Variants in OGFOD3 observed in about 807,000 individuals in gnomAD.
OGFOD3 encodes the protein 2-oxoglutarate and iron-dependent oxygenase domain-containing protein 3.
A neutral mutation model predicts 39.8 loss-of-function variants in OGFOD3; 35 were observed. That is an observed-to-expected ratio of 0.88 (90% CI 0.67 to 1.17). OGFOD3 has a LOEUF of 1.17. Ranked by LOEUF, OGFOD3 falls within the 50% of genes most tolerant of loss-of-function variation. The pLI, the probability that OGFOD3 is intolerant of heterozygous loss-of-function variation, is 0.00. For missense variants in OGFOD3, 438 were observed against 454.5 expected (o/e 0.96, Z 0.33); for synonymous variants, 200 against 192.0 (o/e 1.04, Z -0.34).
At chr17:82,418,384 C>T in intron 1 of OGFOD3, 28 bp downstream of exon 1, 1 of 1,453,786 alleles carries the variant, frequency 6.9e-7, no homozygotes, top group Non-Finnish European at 9.1e-7. Flanking sequence ...GCCGCCGCAG[C>T]GCGCGCCCTT....
intron 7 of OGFOD3, among the ~76,000 whole-genome samples, chr17:82,402,831 G>A (rs1321908064): frequency 6.6e-6 from 1 of 152,140 alleles, no homozygotes; most frequent in Non-Finnish European, 1.5e-5. Context: ...GAGGCGGGAG[G>A]ATTGCTTCAG....
At chr17:82,411,895 A>G (rs2052949961) in intron 2 of OGFOD3, among the ~76,000 whole-genome samples, 1 of 152,158 alleles carries the variant, frequency 6.6e-6, no homozygotes, top group African/African-American at 2.4e-5. Flanking sequence ...CCACCAGAGC[A>G]GAAAACCCTC....
rs8067613 is a variant in OGFOD3, at chr17:82,415,011, G to A, written c.304+387C>T. 2.6e-5 allele frequency among the ~76,000 whole-genome samples: 4 copies of A among 152,140 alleles called. No homozygotes were observed. The highest frequency in any genetic ancestry group is 4.8e-5 in the African/African-American group (2 of 41,404). On this transcript the variant is annotated intron_variant, in intron 2 of 8. Coordinates refer to ENST00000313056, the MANE Select transcript of OGFOD3 (RefSeq NM_024648.3). This position sits in a 1 kb window ranked among gnomAD's most constrained non-coding sequence, Gnocchi z 5.3. ...TCTCAGGCCCAGGCAGAACGGGAGCGGGGGAGGGGAGCTGGGGCACAGGAC... is the reference window on the plus strand; with the variant it reads ...TCTCAGGCCCAGGCAGAACGGGAGCAGGGGAGGGGAGCTGGGGCACAGGAC...
intron 4 of OGFOD3, among the ~76,000 whole-genome samples, chr17:82,408,745 G>A (rs1192523700): frequency 6.6e-6 from 1 of 152,106 alleles, no homozygotes; most frequent in Admixed American, 6.6e-5. Context: ...ACTTGCCATT[G>A]GATTTAGGAC....
rs545511516 is a variant in OGFOD3 at position 82,411,411 on chromosome 17, G to A, written c.380+44C>T. ...GCTTCCCGCCCTAGCCCCACTCCGC[G>A]TGTGTTTGTTTGAATCCCACCGTGC... is the stretch of plus-strand genomic sequence containing the variant. On this transcript the variant is annotated intron_variant, in intron 3 of 8. Transcript: ENST00000313056. The A allele has an allele frequency of 8.3e-5, 130 of 1,558,210 alleles. No homozygotes were observed. In the South Asian group the frequency reaches 1.1e-3, roughly 13 times the overall value.
At chr17:82,394,481 C>T (rs758869607) in intron 8 of OGFOD3, 3 of 1,614,018 alleles carry the variant, frequency 1.9e-6, no homozygotes, top group Non-Finnish European at 2.5e-6. Context: ...CCAGCAGCTT[C>T]ACTGGCTCTC....
chr17:82,405,684 G>A (rs974938501), intron 5 of OGFOD3, among the ~76,000 whole-genome samples: 4 of 151,404 alleles, frequency 2.6e-5, no homozygotes, highest in Non-Finnish European at 5.9e-5. Flanking sequence ...GCATGGTGGT[G>A]CGTGCCTGTA....
chr17:82,416,597 G>T (rs533851351), intron 1 of OGFOD3, among the ~76,000 whole-genome samples: 1 of 152,306 alleles, frequency 6.6e-6, no homozygotes, highest in South Asian at 2.1e-4. Context: ...TTGGACACAT[G>T]TATTTCCAAA....
chr17:82,407,351 T>C (rs1262764083), intron 4 of OGFOD3, among the ~76,000 whole-genome samples: 2 of 152,352 alleles, frequency 1.3e-5, no homozygotes, highest in Admixed American at 1.3e-4. Flanking sequence ...ATTTTTAGTC[T>C]GGAGCCATCT....
In OGFOD3 at chr17:82,392,056, G is replaced by A. The variant is rs8067393; in HGVS notation, c.*342C>T. 84,618 of 297,912 alleles carry A rather than the reference G, an allele frequency of 0.28. 13,805 individuals are homozygous for A. The highest frequency in any genetic ancestry group is 0.34 in the Non-Finnish European group (54,958 of 159,580). The allele number at this position is 297,912 out of a possible 1,614,324, so 18.5% of individuals were successfully genotyped here. ...TTAGCCAGTCTTTGATGGGCCGGGG[G>A]GTTGCTGAACCTGGACGAGTCCCGG... On this transcript the variant is annotated 3_prime_UTR_variant, in exon 9 of 9. Coordinates refer to ENST00000313056, the MANE Select transcript of OGFOD3 (RefSeq NM_024648.3). The surrounding 1 kb of genome is among the most constrained non-coding windows in gnomAD (Gnocchi z 4.2).
chr17:82,415,510 C>CA lies in OGFOD3; in HGVS notation c.191dup (p.Leu64PhefsTer29), dbSNP rs1258422791. 10 of 1,613,560 alleles carry CA rather than the reference C, an allele frequency of 6.2e-6. No homozygotes were observed. Among genetic ancestry groups the CA allele is most frequent in the Non-Finnish European group, 7.6e-6 (9 of 1,179,960 alleles). ...CCTCTGCGACCCCGTCGTCGGCCCC[C>CA]AAGCTGCTCCAGAGCAGGAGTGCGG... On this transcript the variant is annotated frameshift_variant, in exon 2 of 9. Coordinates refer to ENST00000313056, the MANE Select transcript of OGFOD3 (RefSeq NM_024648.3). LOFTEE classifies it high-confidence loss of function. The surrounding 1 kb of genome is among the most constrained non-coding windows in gnomAD (Gnocchi z 5.3).
In OGFOD3 at chr17:82,417,618, C is replaced by CAAAAA. The variant is rs11413297; in HGVS notation, c.74+789_74+793dup. Among the ~76,000 whole-genome samples the CAAAAA allele has an allele frequency of 6.9e-4, 88 of 127,576 alleles. 1 individual carries two copies. The highest frequency in any genetic ancestry group is 2.5e-3 in the African/African-American group (81 of 32,982). The allele number at this position is 127,576 out of a possible 152,430, so 83.7% of individuals were successfully genotyped here. On this transcript the variant is annotated intron_variant, in intron 1 of 8. Coordinates refer to ENST00000313056, the MANE Select transcript of OGFOD3 (RefSeq NM_024648.3). ...TGGGCAACAGAGCGAGCCTCTGTCTCAAAAAAAAAAAAAAAAATTATAGCT... is the reference window on the plus strand; with the variant it reads ...TGGGCAACAGAGCGAGCCTCTGTCTCAAAAAAAAAAAAAAAAAAAAAATTATAGCT...
At position 82,389,666 on chromosome 17, in the gene OGFOD3, A is replaced by G. The variant is rs2052579318; in HGVS notation, c.*2732T>C. ...CAGGAGCACACTGCCACGCCCAGCT[A>G]CATTTTTTAAAAGTTTCTTGTACAG... is the stretch of plus-strand genomic sequence containing the variant. On this transcript the variant is annotated 3_prime_UTR_variant, in exon 9 of 9. Coordinates refer to ENST00000313056, the MANE Select transcript of OGFOD3 (RefSeq NM_024648.3). The surrounding 1 kb of genome is among the most constrained non-coding windows in gnomAD (Gnocchi z 4.6). 6.6e-6 allele frequency: 1 copy of G among 152,104 alleles called. No individual in the cohort carries two copies. The highest frequency in any genetic ancestry group is 2.4e-5 in the African/African-American group (1 of 41,420). The allele number at this position is 152,104 out of a possible 1,614,324, so 9.4% of individuals were successfully genotyped here. A position where few individuals can be genotyped will look rare whatever the true frequency, so the allele number is the denominator to read the frequency against.
chr17:82,405,190 G>T, intron 6 of OGFOD3, 134 bp downstream of exon 6: 1 of 724,660 alleles, frequency 1.4e-6, no homozygotes. Flanking sequence ...TGCTCCATGA[G>T]AACTCACTTC....
chr17:82,406,492 AC>A lies in OGFOD3; in HGVS notation c.424-11del. ...AGTCCAGAATGGATGCCTGGAAAAG[AC>A]GTTGTGGAGTAAAGCGTGCAGCCGC... On this transcript the variant is annotated splice_polypyrimidine_tract_variant and intron_variant, in intron 4 of 8. Coordinates refer to ENST00000313056, the MANE Select transcript of OGFOD3 (RefSeq NM_024648.3). This position sits in a 1 kb window ranked among gnomAD's most constrained non-coding sequence, Gnocchi z 5.2. The A allele has an allele frequency of 6.2e-7, 1 of 1,613,756 alleles. No individual in the cohort carries two copies. Among genetic ancestry groups the A allele is most frequent in the East Asian group, 2.2e-5 (1 of 44,892 alleles).
At position 82,404,138 on chromosome 17, in the gene OGFOD3, C is replaced by T. The variant is rs1425348708; in HGVS notation, c.546-48G>A. ...CAGCGCAGCCCCAGGCGGGAGGGGA[C>T]GCTCGTGGGTCCCAACCCGTGGGTG... On this transcript the variant is annotated intron_variant, in intron 6 of 8. Transcript: ENST00000313056. The surrounding 1 kb of genome is among the most constrained non-coding windows in gnomAD (Gnocchi z 4.5). 4.6e-6 allele frequency: 7 copies of T among 1,514,372 alleles called. No homozygotes were observed. The highest frequency in any genetic ancestry group is 1.4e-5 in the African/African-American group (1 of 73,412). The allele number at this position is 1,514,372 out of a possible 1,614,324, so 93.8% of individuals were successfully genotyped here.
At chr17:82,398,394 T>A in intron 7 of OGFOD3, 75 bp from the exon 8 acceptor site, 1 of 1,547,606 alleles carries the variant, frequency 6.5e-7, no homozygotes, top group Non-Finnish European at 8.8e-7. Flanking sequence ...CTTCTCTCTC[T>A]TATTTTTTGT....
chr17:82,394,949 G>A (rs562453734), intron 8 of OGFOD3, among the ~76,000 whole-genome samples: 4 of 152,310 alleles, frequency 2.6e-5, no homozygotes, highest in African/African-American at 9.6e-5. Context: ...ACCCAACTCC[G>A]GGAGAAGACA....
Position 82,406,523 on chromosome 17 carries a change from A to G in OGFOD3, c.424-41T>C. ...TGGAGTAAAGCGTGCAGCCGCAGCAATGGCAATGGCTGTTAAAAGTCATGG... is the reference window on the plus strand; with the variant it reads ...TGGAGTAAAGCGTGCAGCCGCAGCAGTGGCAATGGCTGTTAAAAGTCATGG... On this transcript the variant is annotated intron_variant, in intron 4 of 8. Coordinates refer to ENST00000313056, the MANE Select transcript of OGFOD3 (RefSeq NM_024648.3). The surrounding 1 kb of genome is among the most constrained non-coding windows in gnomAD (Gnocchi z 5.2). 6.5e-7 allele frequency: 1 copy of G among 1,538,350 alleles called. No individual in the cohort carries two copies. Among genetic ancestry groups the G allele is most frequent in the African/African-American group, 1.4e-5 (1 of 73,502 alleles).
Sources: gnomAD v4.1 joint callset for allele counts (sites outside exome capture counted in the v4.1 genomes callset) on GRCh38, gnomAD v4.1.1 for gene constraint, Gnocchi (gnomAD v3.1) non-coding constraint, MANE v1.5 for transcripts, NCBI Gene and HGNC (gene_info 2026-07-23, HGNC 2026-07-21) for gene names.